The following HIVEP3 variants were observed in gnomAD, a reference collection of about 807,000 sequenced individuals.
HIVEP3 encodes the protein HIVEP zinc finger 3.
In HIVEP3, 49 loss-of-function variants were observed where a neutral mutation model predicts 152.8. The observed-to-expected ratio is 0.32, with a 90% CI of 0.26 to 0.41. The LOEUF (loss-of-function observed/expected upper bound fraction) is 0.41. Ranked by LOEUF, HIVEP3 falls within the 10% of genes least tolerant of loss-of-function variation. The pLI, the probability that HIVEP3 is intolerant of heterozygous loss-of-function variation, is 1.00. For missense variants in HIVEP3, 2,790 were observed against 3,103.3 expected (o/e 0.90, Z 2.40); for synonymous variants, 1,269 against 1,289.0 (o/e 0.98, Z 0.33).
intron 3 of HIVEP3, among the ~76,000 whole-genome samples, chr1:41,596,700 G>A (rs1644670971): frequency 6.6e-6 from 1 of 152,154 alleles, no homozygotes; most frequent in Admixed American, 6.5e-5. Context: ...TATAGATGGG[G>A]GCAGGGCTGA....
chr1:41,649,080 C>T (rs1645505745), intron 2 of HIVEP3, among the ~76,000 whole-genome samples: 1 of 152,158 alleles, frequency 6.6e-6, no homozygotes, highest in African/African-American at 2.4e-5. Flanking sequence ...AGAGCTGGGC[C>T]CTGAGCCACT....
chr1:41,929,158 T>C (rs995476815), intron 1 of HIVEP3, among the ~76,000 whole-genome samples: 2 of 152,210 alleles, frequency 1.3e-5, no homozygotes, highest in Non-Finnish European at 2.9e-5. Flanking sequence ...GGTGATTTTC[T>C]ATTTCCTCCA....
chr1:41,597,864 G>T (rs1238873198), intron 3 of HIVEP3, among the ~76,000 whole-genome samples: 1 of 152,202 alleles, frequency 6.6e-6, no homozygotes, highest in East Asian at 1.9e-4. Flanking sequence ...AGCTGCTACA[G>T]CCTTACCTCA....
intron 5 of HIVEP3, among the ~76,000 whole-genome samples, chr1:41,567,532 C>A (rs1055858854): frequency 6.6e-6 from 1 of 152,160 alleles, no homozygotes; most frequent in Non-Finnish European, 1.5e-5. Flanking sequence ...TGGGGAGAAG[C>A]CTGAGAATTA....
At chr1:42,000,929 A>T (rs1362246332) in intron 1 of HIVEP3, among the ~76,000 whole-genome samples, 1 of 152,234 alleles carries the variant, frequency 6.6e-6, no homozygotes, top group Non-Finnish European at 1.5e-5. Context: ...AAGCATCCAT[A>T]TGGCACTGAG....
At position 41,767,421 on chromosome 1, in the gene HIVEP3, C is replaced by G. The variant is rs547534908; in HGVS notation, c.-800-66426G>C. 4.3e-4 allele frequency among the ~76,000 whole-genome samples: 65 copies of G among 152,262 alleles called. 1 individual carries two copies. The highest frequency in any genetic ancestry group is 1.5e-3 in the African/African-American group (64 of 41,556). On this transcript the variant is annotated intron_variant, in intron 1 of 8. Transcript: ENST00000372583. ...TAGGCTCCCCTCCTTTAGGGACATGCACAGAGGCAGAGGTGTGGTTGACCT... is the reference window on the plus strand; with the variant it reads ...TAGGCTCCCCTCCTTTAGGGACATGGACAGAGGCAGAGGTGTGGTTGACCT...
At chr1:41,751,323 C>CCTTTTT (rs1426877286) in intron 1 of HIVEP3, among the ~76,000 whole-genome samples, 2 of 25,444 alleles carry the variant, frequency 7.9e-5, no homozygotes, top group Non-Finnish European at 1.8e-4. Flanking sequence ...AACTGACACA[C>CCTTTTT]ATTTTTTTTT....
chr1:41,616,248 A>G (rs1025430354), intron 3 of HIVEP3, among the ~76,000 whole-genome samples: 1 of 152,192 alleles, frequency 6.6e-6, no homozygotes, highest in African/African-American at 2.4e-5. Flanking sequence ...CCCAAGTGGA[A>G]CCATGTGGGC....
intron 6 of HIVEP3, among the ~76,000 whole-genome samples, chr1:41,522,629 C>T (rs1190994181): frequency 6.6e-6 from 1 of 152,252 alleles, no homozygotes; most frequent in African/African-American, 2.4e-5. Flanking sequence ...CTCCAGGGCC[C>T]TGGCTCTGTG....
intron 1 of HIVEP3, among the ~76,000 whole-genome samples, chr1:41,874,529 C>T (rs1244855942): frequency 6.6e-6 from 1 of 152,186 alleles, no homozygotes; most frequent in Non-Finnish European, 1.5e-5. Flanking sequence ...AGGGCAGCTG[C>T]CAAACGCTTT....
intron 2 of HIVEP3, among the ~76,000 whole-genome samples, chr1:41,692,142 T>G (rs906189248): frequency 6.6e-6 from 1 of 152,144 alleles, no homozygotes; most frequent in Non-Finnish European, 1.5e-5. Flanking sequence ...CTGCGCCCAG[T>G]GTGGTGAAAA....
rs540495122 is a variant in HIVEP3, at chr1:41,792,260, T to C, written c.-800-91265A>G. Among the ~76,000 whole-genome samples the C allele has an allele frequency of 1.4e-4, 21 of 152,348 alleles. No homozygotes were observed. In the East Asian group the frequency reaches 4.0e-3, roughly 29 times the overall value. ...CCTGAGGCAAGGTTTCATCTGGGAT[T>C]CTGGCCCAAGGGGCAGGGCTATGTC... On this transcript the variant is annotated intron_variant, in intron 1 of 8. Transcript: ENST00000372583.
chr1:41,885,479 A>C (rs938722290), intron 1 of HIVEP3, among the ~76,000 whole-genome samples: 3 of 152,314 alleles, frequency 2.0e-5, no homozygotes, highest in Admixed American at 1.3e-4. Flanking sequence ...CAGCCTGGCC[A>C]ACATGGGGAA....
intron 3 of HIVEP3, among the ~76,000 whole-genome samples, chr1:41,609,486 C>T (rs1644867982): frequency 6.6e-6 from 1 of 152,246 alleles, no homozygotes; most frequent in African/African-American, 2.4e-5. Context: ...CAGCAAAGTC[C>T]CTGTACACTG....
At chr1:41,848,962 C>A (rs1205919512) in intron 1 of HIVEP3, 1 of 152,364 alleles carries the variant, frequency 6.6e-6, no homozygotes, top group Non-Finnish European at 1.5e-5. Context: ...GTGTCCTCAA[C>A]CTCTGGCATG....
At position 41,512,825 on chromosome 1, in the gene HIVEP3, G is replaced by A; in HGVS notation, c.6396C>T (p.Ala2132=). Residue 2132 remains alanine, a synonymous_variant, in exon 8 of 9, where the codon GCC becomes GCT. Coordinates refer to ENST00000372583, the MANE Select transcript of HIVEP3 (RefSeq NM_024503.5). ...AGGGGCAGGAACTCACCCACGGGGA[G>A]GCGCAGGTCTCTGGGCTTCTGCTGA... The part of the protein sequence containing the change: ...KLLSRSPETC[A]SPWQKAESRS... 4 of 1,500,022 alleles carry A rather than the reference G, an allele frequency of 2.7e-6. No individual in the cohort carries two copies. The highest frequency in any genetic ancestry group is 3.6e-6 in the Non-Finnish European group (4 of 1,120,132). 92.9% of individuals were successfully genotyped at this position (1,500,022 alleles called of 1,614,324 possible). A position where few individuals can be genotyped will look rare whatever the true frequency, so the allele number is the denominator to read the frequency against.
chr1:41,602,173 A>G (rs1473031997), intron 3 of HIVEP3, among the ~76,000 whole-genome samples: 1 of 152,088 alleles, frequency 6.6e-6, no homozygotes, highest in African/African-American at 2.4e-5. Context: ...TTTTGCATCT[A>G]TATTCATTAA....
chr1:41,648,869 T>C (rs1645502203), intron 2 of HIVEP3, among the ~76,000 whole-genome samples: 1 of 152,240 alleles, frequency 6.6e-6, no homozygotes, highest in Non-Finnish European at 1.5e-5. Context: ...CACTTAGCCC[T>C]TGGCACTGCT....
chr1:41,988,288 G>A (rs1165768854), intron 1 of HIVEP3, among the ~76,000 whole-genome samples: 1 of 152,024 alleles, frequency 6.6e-6, no homozygotes, highest in East Asian at 1.9e-4. Flanking sequence ...TCAGCAGAAT[G>A]AAAAAATAAC....
Sources: gnomAD v4.1 joint callset for allele counts (sites outside exome capture counted in the v4.1 genomes callset) on GRCh38, gnomAD v4.1.1 for gene constraint, MANE v1.5 for transcripts, NCBI Gene and HGNC (gene_info 2026-07-23, HGNC 2026-07-21) for gene names.